The following SHISA9 variants were observed in gnomAD, a reference collection of about 807,000 sequenced individuals.
SHISA9 encodes the protein shisa family member 9.
A neutral mutation model predicts 38.0 loss-of-function variants in SHISA9; 13 were observed. That is an observed-to-expected ratio of 0.34 (90% confidence interval 0.22 to 0.54). The LOEUF (loss-of-function observed/expected upper bound fraction) is 0.54, where lower values mean the gene tolerates loss of function less well. Among genes scored for constraint, SHISA9 ranks in the 20% least tolerant of loss-of-function variants. SHISA9 has a pLI of 0.91. For missense variants in SHISA9, 538 were observed against 575.8 expected (o/e 0.93, Z 0.67); for synonymous variants, 275 against 242.0 (o/e 1.14, Z -1.27).
At chr16:12,910,383 T>C in intron 1 of SHISA9, 2 of 732,734 alleles carry the variant, frequency 2.7e-6, no homozygotes, top group Non-Finnish European at 3.3e-6. Context: ...CTGAGAGATA[T>C]GAGATAACCA....
chr16:13,262,646 A>AAGGAAGGAAGGAAGGAAGGGAGGGAGGG, the SHISA9 span, among the ~76,000 whole-genome samples: 2 of 69,980 alleles, frequency 2.9e-5, no homozygotes, highest in East Asian at 7.2e-4. Context: ...GGAAGGAAGG[A>AAGGAAGGAAGGAAGGAAGGGAGGGAGGG]AGGAAGGAAG....
At chr16:13,135,608 C>G (rs1236210897) in intron 2 of SHISA9, among the ~76,000 whole-genome samples, 2 of 152,228 alleles carry the variant, frequency 1.3e-5, no homozygotes, top group African/African-American at 2.4e-5. Context: ...CTCAGCCTTC[C>G]TGTCACAGGT....
rs2051373893 is a variant in SHISA9 at position 13,235,460 on chromosome 16, A to G, written c.*51A>G. Reference sequence around the variant, plus strand: ...AGACCACACTCAACTGAGAGAGGCAAAAAACAACCCCGCCCACACCCTCCC... The same window carrying G: ...AGACCACACTCAACTGAGAGAGGCAGAAAACAACCCCGCCCACACCCTCCC... On this transcript the variant is annotated 3_prime_UTR_variant, in exon 5 of 5. Coordinates refer to ENST00000558583, the MANE Select transcript of SHISA9 (RefSeq NM_001145204.3). The G allele has an allele frequency of 6.7e-6, 10 of 1,485,352 alleles. No homozygotes were observed. Among genetic ancestry groups the G allele is most frequent in the Non-Finnish European group, 8.9e-6 (10 of 1,120,716 alleles). The allele number at this position is 1,485,352 out of a possible 1,614,324, so 92.0% of individuals were successfully genotyped here. A position where few individuals can be genotyped will look rare whatever the true frequency, so the allele number is the denominator to read the frequency against.
intron 2 of SHISA9, among the ~76,000 whole-genome samples, chr16:12,918,868 T>G (rs1301489573): frequency 6.6e-6 from 1 of 152,202 alleles, no homozygotes; most frequent in African/African-American, 2.4e-5. Context: ...ATCCAATTCT[T>G]CTTTCCTAGC....
At chr16:13,225,655 A>T (rs1201664342) in intron 4 of SHISA9, among the ~76,000 whole-genome samples, 1 of 152,164 alleles carries the variant, frequency 6.6e-6, no homozygotes, top group African/African-American at 2.4e-5. Flanking sequence ...TCCCTAAGAT[A>T]TCTTTGCCTC....
At chr16:13,378,851 C>A in the SHISA9 span, among the ~76,000 whole-genome samples, 5 of 152,140 alleles carry the variant, frequency 3.3e-5, no homozygotes, top group African/African-American at 1.2e-4. Flanking sequence ...GGGGGTTGCT[C>A]CATAGCTCAA....
intron 2 of SHISA9, among the ~76,000 whole-genome samples, chr16:13,117,217 C>T (rs2074039124): frequency 1.3e-5 from 2 of 152,288 alleles, no homozygotes; most frequent in African/African-American, 4.8e-5. Context: ...CTTGGTGATC[C>T]TCCCATCTCG....
At chr16:13,279,578 T>C in the SHISA9 span, among the ~76,000 whole-genome samples, 1 of 152,014 alleles carries the variant, frequency 6.6e-6, no homozygotes, top group African/African-American at 2.4e-5. Context: ...GCATATGATC[T>C]ACTTTTGTGA....
intron 2 of SHISA9, among the ~76,000 whole-genome samples, chr16:13,047,838 C>G (rs555529952): frequency 1.1e-4 from 17 of 152,256 alleles, no homozygotes; most frequent in African/African-American, 3.9e-4. Flanking sequence ...TCAGACCTTA[C>G]GTTGAGTGCT....
At chr16:13,559,729 C>T in the SHISA9 span, among the ~76,000 whole-genome samples, 3 of 152,150 alleles carry the variant, frequency 2.0e-5, no homozygotes, top group Non-Finnish European at 2.9e-5. Flanking sequence ...TTTCCAGCAC[C>T]TTACAGACAT....
At chr16:13,036,954 C>T (rs2141883353) in intron 2 of SHISA9, among the ~76,000 whole-genome samples, 1 of 152,118 alleles carries the variant, frequency 6.6e-6, no homozygotes, top group South Asian at 2.1e-4. Flanking sequence ...TTAGTCTCAC[C>T]AACCACTTGT....
At chr16:13,541,261 G>A in the SHISA9 span, among the ~76,000 whole-genome samples, 1 of 152,178 alleles carries the variant, frequency 6.6e-6, no homozygotes, top group Non-Finnish European at 1.5e-5. Context: ...AGTGGCTCCA[G>A]AATCCAAGCA....
At chr16:12,909,918 G>A (rs1452717213) in intron 1 of SHISA9, 1 of 151,890 alleles carries the variant, frequency 6.6e-6, no homozygotes, top group East Asian at 1.9e-4. Flanking sequence ...GTGCAGTGGT[G>A]TGATCTTGCC....
At chr16:13,035,909 C>T (rs377698818) in intron 2 of SHISA9, among the ~76,000 whole-genome samples, 1 of 152,226 alleles carries the variant, frequency 6.6e-6, no homozygotes, top group East Asian at 1.9e-4. Context: ...GAAAAGATGC[C>T]GGTGTCATTA....
intron 2 of SHISA9, among the ~76,000 whole-genome samples, chr16:13,120,207 A>T (rs1177874148): frequency 6.6e-6 from 1 of 152,220 alleles, no homozygotes; most frequent in Non-Finnish European, 1.5e-5. Flanking sequence ...ATCTTTGGCC[A>T]AGCTAGTTTG....
chr16:13,330,293 T>C, the SHISA9 span, among the ~76,000 whole-genome samples: 7 of 152,346 alleles, frequency 4.6e-5, no homozygotes, highest in East Asian at 7.7e-4. Context: ...AGCATACTTA[T>C]CAAATGCATA....
chr16:13,052,201 C>G (rs1219302740), intron 2 of SHISA9, among the ~76,000 whole-genome samples: 3 of 152,080 alleles, frequency 2.0e-5, no homozygotes, highest in Non-Finnish European at 4.4e-5. Context: ...AAGAAGCAAG[C>G]AATGTGGTGT....
intron 2 of SHISA9, among the ~76,000 whole-genome samples, chr16:13,117,796 C>T (rs1004530513): frequency 6.6e-6 from 1 of 152,188 alleles, no homozygotes; most frequent in African/African-American, 2.4e-5. Flanking sequence ...TAATATGTTA[C>T]AGCATCATCA....
At chr16:12,986,324 T>A (rs1346748882) in intron 2 of SHISA9, among the ~76,000 whole-genome samples, 1 of 152,210 alleles carries the variant, frequency 6.6e-6, no homozygotes, top group Non-Finnish European at 1.5e-5. Context: ...CTTTCTTGCT[T>A]GCTATTTGTG....
Sources: gnomAD v4.1 joint callset for allele counts (sites outside exome capture counted in the v4.1 genomes callset) on GRCh38, gnomAD v4.1.1 for gene constraint, MANE v1.5 for transcripts, NCBI Gene and HGNC (gene_info 2026-07-23, HGNC 2026-07-21) for gene names.